MAP4K4: variants seen among roughly 807,000 people sequenced by gnomAD.
MAP4K4 encodes HPK/GCK-like kinase HGK.
Under a neutral mutation model 189.6 loss-of-function variants are expected in MAP4K4, and 38 were observed. The observed-to-expected ratio is 0.20, with a 90% CI of 0.15 to 0.26. The LOEUF (loss-of-function observed/expected upper bound fraction) is 0.26, where lower values mean the gene tolerates loss of function less well. MAP4K4 is among the 10% of genes least tolerant of loss of function. The probability of loss-of-function intolerance (pLI) is 1.00; values close to 1 mark genes in which losing one functional copy is unlikely to be tolerated. For missense variants in MAP4K4, 1,054 were observed against 1,726.9 expected (o/e 0.61, Z 6.91); for synonymous variants, 610 against 624.3 (o/e 0.98, Z 0.34).
At chr2:101,705,278 G>A (rs1281057470) in intron 2 of MAP4K4, among the ~76,000 whole-genome samples, 1 of 152,154 alleles carries the variant, frequency 6.6e-6, no homozygotes, top group Non-Finnish European at 1.5e-5. Flanking sequence ...AAATGAAGCC[G>A]ATGATATATC....
At chr2:101,790,643 A>G (rs2092708736) in intron 2 of MAP4K4, 77 bp from the exon 3 acceptor site, 9 of 1,016,648 alleles carry the variant, frequency 8.9e-6, no homozygotes, top group Non-Finnish European at 1.4e-5. Flanking sequence ...GATTTGTTGG[A>G]AACTTCAGCC....
At chr2:101,710,780 T>C (rs140475139) in intron 2 of MAP4K4, among the ~76,000 whole-genome samples, 89 of 152,332 alleles carry the variant, frequency 5.8e-4, no homozygotes, top group African/African-American at 2.0e-3. Context: ...TAGATATATG[T>C]GGAGCAGTGA....
chr2:101,763,908 G>A (rs1368301892), intron 2 of MAP4K4, among the ~76,000 whole-genome samples: 1 of 152,164 alleles, frequency 6.6e-6, no homozygotes, highest in Non-Finnish European at 1.5e-5. Flanking sequence ...ACAAGGCTGT[G>A]GCTGGAGAGG....
At chr2:101,762,118 G>A (rs1318525761) in intron 2 of MAP4K4, among the ~76,000 whole-genome samples, 1 of 152,192 alleles carries the variant, frequency 6.6e-6, no homozygotes, top group Non-Finnish European at 1.5e-5. Context: ...AGGTATATGG[G>A]TGGAAAGTGA....
chr2:101,791,511 T>A (rs1029512246), intron 3 of MAP4K4, among the ~76,000 whole-genome samples: 10 of 152,164 alleles, frequency 6.6e-5, no homozygotes, highest in Non-Finnish European at 5.9e-5. Flanking sequence ...TACTTTATGC[T>A]CATGTTTGCC....
At chr2:101,705,035 C>G (rs961454138) in intron 2 of MAP4K4, among the ~76,000 whole-genome samples, 2 of 152,048 alleles carry the variant, frequency 1.3e-5, no homozygotes, top group African/African-American at 4.8e-5. Context: ...TAAAGTGATT[C>G]ATTGGGAGGT....
chr2:101,820,737 G>C (rs1050116144), intron 3 of MAP4K4, among the ~76,000 whole-genome samples: 1 of 152,162 alleles, frequency 6.6e-6, no homozygotes, highest in South Asian at 2.1e-4. Flanking sequence ...GCCACTCACT[G>C]CTTGGTCAGG....
chr2:101,830,258 A>G (rs1247826444), intron 6 of MAP4K4, among the ~76,000 whole-genome samples: 3 of 152,138 alleles, frequency 2.0e-5, no homozygotes, highest in East Asian at 1.9e-4. Flanking sequence ...AATGCAGCAA[A>G]TAGTGTATTA....
chr2:101,891,800 GTTAATA>G (rs903579404), exon 33 of MAP4K4: 1 of 145,234 alleles, frequency 6.9e-6, no homozygotes, highest in Non-Finnish European at 1.5e-5. Flanking sequence ...GGTTTAAGAA[GTTAATA>G]TTTATAAAAT....
intron 7 of MAP4K4, among the ~76,000 whole-genome samples, chr2:101,832,256 T>G (rs2096614068): frequency 6.6e-6 from 1 of 152,246 alleles, no homozygotes; most frequent in Non-Finnish European, 1.5e-5. Flanking sequence ...TTACAGCTTT[T>G]ATTTGGTACA....
chr2:101,880,804 G>GT (rs2098365035), intron 27 of MAP4K4, among the ~76,000 whole-genome samples: 2 of 152,128 alleles, frequency 1.3e-5, no homozygotes, highest in Non-Finnish European at 2.9e-5. Context: ...ACCGCGCCTG[G>GT]TGTATAGTTC....
chr2:101,816,099 A>AG (rs898325323), intron 3 of MAP4K4, among the ~76,000 whole-genome samples: 1 of 152,086 alleles, frequency 6.6e-6, no homozygotes, highest in Non-Finnish European at 1.5e-5. Context: ...CCTTTGCTGC[A>AG]GCTTGGAGTC....
At chr2:101,728,845 A>G (rs1429250530) in intron 2 of MAP4K4, among the ~76,000 whole-genome samples, 1 of 152,182 alleles carries the variant, frequency 6.6e-6, no homozygotes, top group Non-Finnish European at 1.5e-5. Context: ...TTAATGTGCA[A>G]CATGTTTGGA....
chr2:101,718,567 G>T (rs2049824877), intron 2 of MAP4K4, among the ~76,000 whole-genome samples: 1 of 127,262 alleles, frequency 7.9e-6, no homozygotes, highest in East Asian at 3.0e-4. Context: ...GGGAAGGTGG[G>T]GGTGGGGGGG....
At chr2:101,748,200 C>T (rs2066635014) in intron 2 of MAP4K4, among the ~76,000 whole-genome samples, 1 of 152,100 alleles carries the variant, frequency 6.6e-6, no homozygotes, top group African/African-American at 2.4e-5. Context: ...TTTTTGGCTT[C>T]TGAAGAATAG....
intron 2 of MAP4K4, among the ~76,000 whole-genome samples, chr2:101,745,438 TAAAA>T (rs10678749): frequency 5.5e-5 from 5 of 91,680 alleles, no homozygotes; most frequent in Non-Finnish European, 1.1e-4. Context: ...TGCCCCCAGG[TAAAA>T]AAAAAAAAAA....
intron 2 of MAP4K4, among the ~76,000 whole-genome samples, chr2:101,729,374 G>A (rs2057379646): frequency 6.6e-6 from 1 of 152,088 alleles, no homozygotes; most frequent in Non-Finnish European, 1.5e-5. Context: ...TAATTGAATA[G>A]AAAATAGAGT....
At chr2:101,874,033 C>T in intron 25 of MAP4K4, 49 bp from the exon 26 acceptor site, 2 of 1,438,690 alleles carry the variant, frequency 1.4e-6, no homozygotes, top group Non-Finnish European at 9.7e-7. Flanking sequence ...GGGAGGCAGG[C>T]ATAGTGTGTG....
At chr2:101,768,556 C>G (rs2079781376) in intron 2 of MAP4K4, among the ~76,000 whole-genome samples, 1 of 151,982 alleles carries the variant, frequency 6.6e-6, no homozygotes. Flanking sequence ...ACTTTTTTTT[C>G]TGTTGCAGAC....
Sources: allele counts gnomAD v4.1 joint callset (sites outside exome capture counted in the v4.1 genomes callset), GRCh38; gene constraint gnomAD v4.1.1; transcripts MANE v1.5; gene names NCBI Gene and HGNC (gene_info 2026-07-23, HGNC 2026-07-21).